Variants in CSF1R observed in about 807,000 individuals in gnomAD.
The protein encoded by CSF1R is colony stimulating factor 1 receptor.
Under a neutral mutation model 110.0 loss-of-function variants are expected in CSF1R, and 40 were observed. The observed-to-expected ratio is 0.36, with a 90% CI of 0.28 to 0.47. The LOEUF (loss-of-function observed/expected upper bound fraction) is 0.47, where lower values mean the gene tolerates loss of function less well. CSF1R is among the 20% of genes least tolerant of loss of function. The pLI is 0.99. For missense variants in CSF1R, 1,052 were observed against 1,253.0 expected (o/e 0.84, Z 2.42); for synonymous variants, 523 against 503.4 (o/e 1.04, Z -0.52).
rs1264662280 is a variant in CSF1R, at chr5:150,080,284, G to C, written c.360C>G (p.Asp120Glu). The C allele has an allele frequency of 6.2e-7, 1 of 1,613,972 alleles. No individual in the cohort carries two copies. Among genetic ancestry groups the C allele is most frequent in the South Asian group, 1.1e-5 (1 of 91,076 alleles). ...VLAQEVVVFEDQDALLPCLLT... is the reference protein window; with the variant it reads ...VLAQEVVVFEEQDALLPCLLT... ...GCAGACAGGGCAGTAGTGCGTCCTG[G>C]TCCTCGAACACGACCACCTCCTGTG... The change falls in exon 3 of 21, where the codon GAC (aspartate) becomes GAG (glutamate). Residue 120 changes from aspartate to glutamate, a missense_variant. By Grantham distance (45) the Asp-to-Glu change is conservative. Around this residue, in one of 5 missense-constraint regions of CSF1R, gnomAD observed 693 missense variants for 735.4 expected, o/e 0.94. Coordinates refer to ENST00000675795, the MANE Select transcript of CSF1R (RefSeq NM_001288705.3).
At chr5:150,089,805 A>G (rs375091279), upstream of CSF1R, among the ~76,000 whole-genome samples, 16 of 152,348 alleles carry the variant, frequency 1.1e-4, no homozygotes, top group South Asian at 3.3e-3. Context: ...AAATCAAAAT[A>G]GTGTGGTATC....
intron 1 of CSF1R, among the ~76,000 whole-genome samples, chr5:150,102,717 T>C (rs924339441): frequency 1.3e-5 from 2 of 152,250 alleles, no homozygotes; most frequent in African/African-American, 2.4e-5. Context: ...AGACCTCAAG[T>C]GATCTGCATG....
At chr5:150,095,213 C>T (rs942619771) in intron 1 of CSF1R, among the ~76,000 whole-genome samples, 2 of 151,770 alleles carry the variant, frequency 1.3e-5, no homozygotes, top group African/African-American at 4.8e-5. Flanking sequence ...ACACCCTTCT[C>T]CCAGTTGTAG....
At position 150,061,703 on chromosome 5, in the gene CSF1R, G is replaced by C; in HGVS notation, c.1753+20C>G. 6.2e-7 allele frequency: 1 copy of C among 1,614,250 alleles called. No individual in the cohort carries two copies. Among genetic ancestry groups the C allele is most frequent in the Non-Finnish European group, 8.5e-7 (1 of 1,180,042 alleles). On this transcript the variant is annotated intron_variant, in intron 11 of 20. Transcript: ENST00000675795. ...AGGCCCTGTGATAGGAAGCTGTGGA[G>C]TGATGAGCTGCCATCTCACCAAACT...
chr5:150,103,190 G>A (rs547680551), intron 1 of CSF1R, among the ~76,000 whole-genome samples: 12 of 152,326 alleles, frequency 7.9e-5, no homozygotes, highest in Admixed American at 2.0e-4. Flanking sequence ...GTAGCTGGGC[G>A]CCACTCCCCA....
chr5:150,074,772 C>T (rs775645006), intron 5 of CSF1R, among the ~76,000 whole-genome samples: 6 of 152,154 alleles, frequency 3.9e-5, no homozygotes, highest in Non-Finnish European at 5.9e-5. Context: ...CATTATTCAG[C>T]GTGGCGTTCA....
chr5:150,079,381 C>G lies in CSF1R; in HGVS notation c.592+671G>C, dbSNP rs368671981. ...CAAGCCCAGGTCCTCAGGCTGGGGT[C>G]CTGCTTGCTCTCACCAGTCCTCCCA... On this transcript the variant is annotated intron_variant, in intron 3 of 20. Coordinates refer to ENST00000675795, the MANE Select transcript of CSF1R (RefSeq NM_001288705.3). Among the ~76,000 whole-genome samples the G allele has an allele frequency of 8.5e-5, 13 of 152,350 alleles. No homozygotes were observed. The East Asian group carries it at 2.1e-3, about 25-fold the overall frequency.
At chr5:150,104,243 GT>G in intron 1 of CSF1R, among the ~76,000 whole-genome samples, 1 of 152,348 alleles carries the variant, frequency 6.6e-6, no homozygotes, top group East Asian at 1.9e-4. Context: ...GGTGGAACAT[GT>G]TTAGGTGGAG....
At chr5:150,092,632 A>G (rs925145891) in intron 1 of CSF1R, among the ~76,000 whole-genome samples, 4 of 152,186 alleles carry the variant, frequency 2.6e-5, no homozygotes, top group African/African-American at 9.7e-5. Flanking sequence ...GAGTATATGC[A>G]GGGGAACTCC....
chr5:150,078,201 G>T lies in CSF1R; in HGVS notation c.640C>A (p.Arg214=). The T allele has an allele frequency of 6.2e-7, 1 of 1,614,110 alleles. No homozygotes were observed. The change falls in exon 4 of 21, where the codon CGG becomes AGG. Residue 214 remains arginine (R), a synonymous_variant. Coordinates refer to ENST00000675795, the MANE Select transcript of CSF1R (RefSeq NM_001288705.3). ...ALTLVPAELV[R]IRGEAAQIVC... ...ATCTGGGCAGCCTCCCCTCGAATCC[G>T]CACCAGCTCTGCAGGCACCAGTGTC...
intron 1 of CSF1R, among the ~76,000 whole-genome samples, chr5:150,107,327 A>G (rs963648366): frequency 2.0e-5 from 3 of 152,186 alleles, no homozygotes; most frequent in Non-Finnish European, 4.4e-5. Context: ...CATTAACATG[A>G]TTTGTCATCC....
At chr5:150,100,346 G>A (rs1314039914) in intron 1 of CSF1R, among the ~76,000 whole-genome samples, 1 of 123,990 alleles carries the variant, frequency 8.1e-6, no homozygotes, top group Non-Finnish European at 1.6e-5. Flanking sequence ...CACCCAGGTT[G>A]GAGTACAGTG....
intron 14 of CSF1R, chr5:150,058,368 C>G (rs531710913): frequency 8.8e-6 from 4 of 455,516 alleles, no homozygotes; most frequent in Non-Finnish European, 1.8e-5. Context: ...ATTTCTCTCT[C>G]CCTCCTGTCC....
At chr5:150,109,388 C>T (rs994953526) in intron 1 of CSF1R, among the ~76,000 whole-genome samples, 4 of 152,112 alleles carry the variant, frequency 2.6e-5, no homozygotes, top group Non-Finnish European at 5.9e-5. Context: ...CTGGGTTTCC[C>T]GACGGGTGGG....
intron 6 of CSF1R, among the ~76,000 whole-genome samples, chr5:150,071,733 T>C (rs74770487): frequency 0.018 from 2,783 of 152,246 alleles, 84 homozygotes; most frequent in African/African-American, 0.063. Flanking sequence ...CTCTGTGGCT[T>C]ATGGACCCAT....
intron 1 of CSF1R, among the ~76,000 whole-genome samples, chr5:150,111,373 A>T (rs1024140353): frequency 3.9e-5 from 6 of 152,144 alleles, no homozygotes; most frequent in African/African-American, 1.4e-4. Flanking sequence ...GCCTGAGGGG[A>T]GAGACTGGGA....
chr5:150,063,361 T>C (rs977591700), intron 10 of CSF1R, among the ~76,000 whole-genome samples: 2 of 151,956 alleles, frequency 1.3e-5, no homozygotes, highest in Admixed American at 6.6e-5. Context: ...CTGACTTTTT[T>C]TTTTTGAGAC....
intron 3 of CSF1R, among the ~76,000 whole-genome samples, chr5:150,079,735 C>T (rs1370659044): frequency 6.6e-6 from 1 of 151,696 alleles, no homozygotes; most frequent in Non-Finnish European, 1.5e-5. Context: ...TAAAGTGTTT[C>T]CTTCTCAGTG....
rs550021068 is a variant in CSF1R at position 150,069,844 on chromosome 5, G to A, written c.1510+29C>T. ...GCAGGGGCGGGGGGCGGGCGGGGGG[G>A]CGGTGCGGGTGCGAAGGCTCCCTCT... On this transcript the variant is annotated intron_variant, in intron 9 of 20. Transcript: ENST00000675795. 8 of 1,311,030 alleles carry A rather than the reference G, an allele frequency of 6.1e-6. No homozygotes were observed. The East Asian group carries it at 1.9e-4, about 32-fold the overall frequency. The allele number at this position is 1,311,030 out of a possible 1,614,324, so 81.2% of individuals were successfully genotyped here. A position where few individuals can be genotyped will look rare whatever the true frequency, so the allele number is the denominator to read the frequency against.
Sources: gnomAD v4.1 joint callset for allele counts (sites outside exome capture counted in the v4.1 genomes callset) on GRCh38, gnomAD v4.1.1 for gene constraint, gnomAD v4.1.1 regional missense constraint, MANE v1.5 for transcripts, NCBI Gene and HGNC (gene_info 2026-07-23, HGNC 2026-07-21) for gene names.